The following CPA3 variants were observed in gnomAD, a reference collection of about 807,000 sequenced individuals.
CPA3 encodes carboxypeptidase A3.
CPA3 carries 52 observed loss-of-function variants against 55.8 expected under a neutral mutation model. The observed-to-expected ratio is 0.93, with a 90% CI of 0.75 to 1.17. The LOEUF is 1.17. Ranked by LOEUF, CPA3 falls within the 50% of genes most tolerant of loss-of-function variation. The pLI is 0.00. For missense variants in CPA3, 547 were observed against 509.1 expected, an observed-to-expected ratio of 1.07 and a Z score of -0.72; for synonymous variants, 179 against 171.2, an observed-to-expected ratio of 1.05 and a Z score of -0.36.
intron 2 of CPA3, among the ~76,000 whole-genome samples, chr3:148,866,358 G>A (rs1226513515): frequency 2.0e-5 from 3 of 152,104 alleles, no homozygotes; most frequent in Non-Finnish European, 2.9e-5. Context: ...CCACTGCCAA[G>A]TTCATGTTCA....
chr3:148,886,007 A>T, intron 9 of CPA3, 86 bp from the exon 10 acceptor site: 1 of 923,452 alleles, frequency 1.1e-6, no homozygotes, highest in Non-Finnish European at 1.7e-6. Context: ...AGACTCCATT[A>T]AAAAATTGCA....
chr3:148,893,555 C>G (rs564123060), intron 10 of CPA3, among the ~76,000 whole-genome samples: 1 of 152,184 alleles, frequency 6.6e-6, no homozygotes, highest in East Asian at 1.9e-4. Context: ...ATCCAACATT[C>G]ATGTCATCGG....
At chr3:148,884,279 G>A (rs1195439705) in intron 9 of CPA3, among the ~76,000 whole-genome samples, 1 of 152,130 alleles carries the variant, frequency 6.6e-6, no homozygotes, top group Non-Finnish European at 1.5e-5. Context: ...GATTATAAAT[G>A]TTTGTGAAGC....
intron 2 of CPA3, 49 bp downstream of exon 2, chr3:148,865,597 A>G (rs1713879518): frequency 2.7e-6 from 4 of 1,508,686 alleles, no homozygotes; most frequent in Non-Finnish European, 3.7e-6. Context: ...TCTCTAAAAG[A>G]TGCTTCTTCT....
At chr3:148,892,539 G>A (rs1265059770) in intron 10 of CPA3, among the ~76,000 whole-genome samples, 1 of 151,978 alleles carries the variant, frequency 6.6e-6, no homozygotes, top group Non-Finnish European at 1.5e-5. Context: ...TGTAGTCCCA[G>A]CTACTCAAGA....
chr3:148,873,025 T>TACACACAC (rs10536988), intron 3 of CPA3, among the ~76,000 whole-genome samples: 67 of 103,860 alleles, frequency 6.5e-4, no homozygotes, highest in African/African-American at 1.8e-3. Flanking sequence ...CTTCTATGAA[T>TACACACAC]ACACACACAC....
At chr3:148,865,675 T>C in intron 2 of CPA3, 127 bp downstream of exon 2, 1 of 868,930 alleles carries the variant, frequency 1.2e-6, no homozygotes. Context: ...AGGAGCTATC[T>C]GGATAATTCA....
chr3:148,871,867 TAA>T (rs1714076849), intron 3 of CPA3, among the ~76,000 whole-genome samples: 2 of 152,230 alleles, frequency 1.3e-5, no homozygotes, highest in African/African-American at 4.8e-5. Flanking sequence ...CTCCAAGTAC[TAA>T]TTATATAGAT....
chr3:148,884,935 A>G (rs886180398), intron 9 of CPA3, among the ~76,000 whole-genome samples: 10 of 152,184 alleles, frequency 6.6e-5, no homozygotes, highest in Non-Finnish European at 1.2e-4. Flanking sequence ...TAAGAAAAAA[A>G]TTATTTATTG....
intron 9 of CPA3, among the ~76,000 whole-genome samples, chr3:148,885,393 T>A (rs1714499855): frequency 6.8e-6 from 1 of 148,038 alleles, no homozygotes; most frequent in South Asian, 2.2e-4. Context: ...TATAATCGAC[T>A]GCATATTTAA....
At chr3:148,875,152 G>A (rs925461166) in intron 3 of CPA3, among the ~76,000 whole-genome samples, 30 of 152,062 alleles carry the variant, frequency 2.0e-4, no homozygotes, top group African/African-American at 5.8e-4. Flanking sequence ...TTATAGTGAC[G>A]GAAAGAGTAC....
In CPA3 at chr3:148,881,650, CTT is replaced by C. The variant is rs765133090; in HGVS notation, c.687+19_687+20del. 10 of 1,507,474 alleles carry C rather than the reference CTT, an allele frequency of 6.6e-6. No individual in the cohort carries two copies. The highest frequency in any genetic ancestry group is 1.4e-5 in the African/African-American group (1 of 72,610). The allele number at this position is 1,507,474 out of a possible 1,614,324, so 93.4% of individuals were successfully genotyped here. A position where few individuals can be genotyped will look rare whatever the true frequency, so the allele number is the denominator to read the frequency against. ...GGACAAAGGTACTGCTCTCTACTCT[CTT>C]GTTTGCATTTAGATATTATTTGCTG... is the stretch of plus-strand genomic sequence containing the variant. On this transcript the variant is annotated intron_variant, in intron 7 of 10. Transcript: ENST00000296046.
chr3:148,893,133 C>T (rs567969976), intron 10 of CPA3, among the ~76,000 whole-genome samples: 7 of 151,426 alleles, frequency 4.6e-5, no homozygotes, highest in Non-Finnish European at 1.0e-4. Context: ...GCTTGTAATA[C>T]TAAAAACAAG....
At chr3:148,879,922 T>C (rs560737308) in intron 6 of CPA3, 33 bp downstream of exon 6, 2 of 1,449,418 alleles carry the variant, frequency 1.4e-6, no homozygotes, top group East Asian at 2.3e-5. Context: ...AATTCTCCTT[T>C]GACTGCCAAG....
At chr3:148,889,137 GC>G (rs966972147) in intron 10 of CPA3, among the ~76,000 whole-genome samples, 4 of 152,242 alleles carry the variant, frequency 2.6e-5, no homozygotes, top group Non-Finnish European at 5.9e-5. Context: ...TGCTGCAGCA[GC>G]TTGATAAACG....
intron 2 of CPA3, 27 bp downstream of exon 2, chr3:148,865,575 T>C: frequency 6.3e-7 from 1 of 1,583,058 alleles, no homozygotes; most frequent in Non-Finnish European, 8.7e-7. Context: ...ATATTTTATC[T>C]TTTCTTACTG....
At chr3:148,873,822 G>A (rs1714135815) in intron 3 of CPA3, among the ~76,000 whole-genome samples, 1 of 152,178 alleles carries the variant, frequency 6.6e-6, no homozygotes, top group Admixed American at 6.5e-5. Context: ...ATCATGTTGA[G>A]TGATAAAATG....
At chr3:148,880,323 A>G (rs1714325540) in intron 6 of CPA3, among the ~76,000 whole-genome samples, 1 of 146,022 alleles carries the variant, frequency 6.8e-6, no homozygotes, top group Non-Finnish European at 1.5e-5. Flanking sequence ...GTGAAAAATA[A>G]CTCACTTTTT....
At chr3:148,891,923 T>C (rs1246192907) in intron 10 of CPA3, among the ~76,000 whole-genome samples, 2 of 152,196 alleles carry the variant, frequency 1.3e-5, no homozygotes, top group Non-Finnish European at 2.9e-5. Flanking sequence ...TTAGTGTGAT[T>C]TCTTTCTCAT....
Sources: allele counts gnomAD v4.1 joint callset (sites outside exome capture counted in the v4.1 genomes callset), GRCh38; gene constraint gnomAD v4.1.1; transcripts MANE v1.5; gene names NCBI Gene and HGNC (gene_info 2026-07-23, HGNC 2026-07-21).